Variants in DSCAM observed in about 807,000 individuals in gnomAD.
The protein encoded by DSCAM is DS cell adhesion molecule, also known as cell adhesion molecule DSCAM.
Under a neutral mutation model 217.7 loss-of-function variants are expected in DSCAM, and 47 were observed. That is an observed-to-expected ratio of 0.22 (90% confidence interval 0.17 to 0.28). DSCAM has a LOEUF of 0.28. DSCAM is among the 10% of genes least tolerant of loss of function. The pLI, the probability that DSCAM is intolerant of heterozygous loss-of-function variation, is 1.00. For synonymous variants in DSCAM, 1,056 were observed against 1,015.3 expected (o/e 1.04, Z -0.76); for missense variants, 2,080 against 2,618.3 (o/e 0.79, Z 4.49).
chr21:40,665,749 T>C (rs1274917379), intron 3 of DSCAM, among the ~76,000 whole-genome samples: 1 of 152,212 alleles, frequency 6.6e-6, no homozygotes, highest in Non-Finnish European at 1.5e-5. Flanking sequence ...CCGGGTCTGG[T>C]CCATGGCAAT....
At chr21:40,500,478 G>A (rs760338290) in intron 3 of DSCAM, among the ~76,000 whole-genome samples, 1 of 152,182 alleles carries the variant, frequency 6.6e-6, no homozygotes, top group Admixed American at 6.5e-5. Context: ...ACTATTGAAT[G>A]TCAACTTAAC....
At chr21:40,116,795 G>A (rs1375629150) in intron 20 of DSCAM, among the ~76,000 whole-genome samples, 1 of 151,464 alleles carries the variant, frequency 6.6e-6, no homozygotes, top group Non-Finnish European at 1.5e-5. Context: ...GAGGTCAGGA[G>A]ATCGAGACCA....
chr21:40,122,722 T>C (rs1276968503), intron 20 of DSCAM, among the ~76,000 whole-genome samples: 1 of 152,196 alleles, frequency 6.6e-6, no homozygotes, highest in Non-Finnish European at 1.5e-5. Flanking sequence ...TCTGACTATT[T>C]ACGTTTACAT....
At chr21:40,056,972 C>G (rs950597332) in intron 28 of DSCAM, among the ~76,000 whole-genome samples, 2 of 152,194 alleles carry the variant, frequency 1.3e-5, no homozygotes, top group African/African-American at 4.8e-5. Context: ...ACTCTTAAAC[C>G]AAGTGGTGGA....
chr21:40,048,154 A>G (rs574853229), intron 30 of DSCAM, among the ~76,000 whole-genome samples: 45 of 152,284 alleles, frequency 3.0e-4, no homozygotes, highest in Admixed American at 5.9e-4. Flanking sequence ...TGATGTCATC[A>G]CCCACGTTAA....
intron 27 of DSCAM, among the ~76,000 whole-genome samples, chr21:40,073,335 A>T (rs1004749709): frequency 6.6e-6 from 1 of 152,210 alleles, no homozygotes; most frequent in Non-Finnish European, 1.5e-5. Flanking sequence ...AATATTTACT[A>T]TTGGTTTTTA....
At position 40,700,156 on chromosome 21, in the gene DSCAM, A is replaced by G. The variant is rs73903003; in HGVS notation, c.362-7200T>C. 6.0e-3 allele frequency among the ~76,000 whole-genome samples: 919 copies of G among 152,358 alleles called. 8 individuals are homozygous for G. Among genetic ancestry groups the G allele is most frequent in the African/African-American group, 0.021 (880 of 41,586 alleles). On this transcript the variant is annotated intron_variant, in intron 2 of 32. Coordinates refer to ENST00000400454, the MANE Select transcript of DSCAM (RefSeq NM_001389.5). ...CTACTTTGCCTATGCTCTAGAAATAAAACAAGAAGGTCTGGGTCACAGCAC... is the reference window on the plus strand; with the variant it reads ...CTACTTTGCCTATGCTCTAGAAATAGAACAAGAAGGTCTGGGTCACAGCAC...
intron 11 of DSCAM, among the ~76,000 whole-genome samples, chr21:40,189,667 T>C (rs1046167573): frequency 6.6e-6 from 1 of 152,196 alleles, no homozygotes; most frequent in African/African-American, 2.4e-5. Flanking sequence ...GTTCTCATGA[T>C]AGTGAGTAAG....
At chr21:40,771,704 CCT>C (rs2091446713) in intron 1 of DSCAM, among the ~76,000 whole-genome samples, 1 of 152,166 alleles carries the variant, frequency 6.6e-6, no homozygotes, top group South Asian at 2.1e-4. Context: ...TTGAACAATT[CCT>C]TTTTTACTCC....
At chr21:40,247,423 G>T (rs1419518613) in intron 11 of DSCAM, among the ~76,000 whole-genome samples, 3 of 152,164 alleles carry the variant, frequency 2.0e-5, no homozygotes, top group African/African-American at 7.2e-5. Flanking sequence ...TACAATGGGG[G>T]TACAGGCATT....
At chr21:40,140,041 G>C (rs561506586) in intron 18 of DSCAM, among the ~76,000 whole-genome samples, 78 of 151,838 alleles carry the variant, frequency 5.1e-4, no homozygotes, top group African/African-American at 1.8e-3. Context: ...ATGTGGTGTC[G>C]GTCAGCAGTC....
At chr21:40,518,582 A>G (rs2076332982) in intron 3 of DSCAM, among the ~76,000 whole-genome samples, 1 of 89,610 alleles carries the variant, frequency 1.1e-5, no homozygotes, top group Non-Finnish European at 1.9e-5. Context: ...ACATACACAC[A>G]CATATACACA....
At chr21:40,086,927 C>A (rs952828463) in intron 22 of DSCAM, among the ~76,000 whole-genome samples, 2 of 152,182 alleles carry the variant, frequency 1.3e-5, no homozygotes, top group African/African-American at 4.8e-5. Context: ...ACTTTCCTTG[C>A]AAGCATTCTC....
chr21:40,741,032 CA>C (rs375744989), intron 1 of DSCAM, among the ~76,000 whole-genome samples: 90 of 152,186 alleles, frequency 5.9e-4, no homozygotes, highest in African/African-American at 2.0e-3. Flanking sequence ...TTAGTGGGGG[CA>C]TAGGAATAAG....
intron 19 of DSCAM, among the ~76,000 whole-genome samples, chr21:40,129,805 G>T (rs982551639): frequency 3.9e-5 from 6 of 152,162 alleles, no homozygotes; most frequent in Non-Finnish European, 8.8e-5. Flanking sequence ...CTGAGGTGTG[G>T]TCACATAGTC....
rs149206372 is a variant in DSCAM, at chr21:40,142,735, C to T, written c.3260-31G>A. On this transcript the variant is annotated intron_variant, in intron 17 of 32. Coordinates refer to ENST00000400454, the MANE Select transcript of DSCAM (RefSeq NM_001389.5). ...ATCAAATAATTAGAATCTGTAATAA[C>T]TGTGGGTGGTTTATGAGCAAAGCAA... 5.6e-4 allele frequency: 893 copies of T among 1,599,288 alleles called. 5 individuals carry two copies. In the African/African-American group the frequency reaches 0.011, roughly 19 times the overall value.
At chr21:40,553,463 T>C (rs1422384069) in intron 3 of DSCAM, among the ~76,000 whole-genome samples, 2 of 152,244 alleles carry the variant, frequency 1.3e-5, no homozygotes, top group African/African-American at 4.8e-5. Flanking sequence ...TATCAGTTAT[T>C]TGTGTACAGG....
intron 3 of DSCAM, among the ~76,000 whole-genome samples, chr21:40,573,033 G>T (rs1024830232): frequency 3.9e-5 from 6 of 152,072 alleles, no homozygotes; most frequent in African/African-American, 1.4e-4. Flanking sequence ...AAATCATAAT[G>T]ATAAAATTCA....
chr21:40,821,070 A>G (rs2091921390), intron 1 of DSCAM, among the ~76,000 whole-genome samples: 1 of 136,922 alleles, frequency 7.3e-6, no homozygotes, highest in South Asian at 2.2e-4. Context: ...ATATCTTCAC[A>G]TATAGATCTT....
Sources: allele counts gnomAD v4.1 joint callset (sites outside exome capture counted in the v4.1 genomes callset), GRCh38; gene constraint gnomAD v4.1.1; transcripts MANE v1.5; gene names NCBI Gene and HGNC (gene_info 2026-07-23, HGNC 2026-07-21).